EIF4G3: variants seen among roughly 807,000 people sequenced by gnomAD.
EIF4G3 encodes eIF-4-gamma 3.
A neutral mutation model predicts 186.4 loss-of-function variants in EIF4G3; 34 were observed. The ratio of observed to expected loss-of-function variants is 0.18; its 90% CI spans 0.14 to 0.24. The LOEUF (loss-of-function observed/expected upper bound fraction) is 0.24. Ranked by LOEUF, EIF4G3 falls within the 10% of genes least tolerant of loss-of-function variation. EIF4G3 has a pLI of 1.00. For synonymous variants in EIF4G3, 673 were observed against 679.5 expected (o/e 0.99, Z 0.15); for missense variants, 1,536 against 1,948.5 (o/e 0.79, Z 3.99).
At chr1:20,864,213 C>T (rs1240506450) in intron 22 of EIF4G3, among the ~76,000 whole-genome samples, 1 of 152,000 alleles carries the variant, frequency 6.6e-6, no homozygotes, top group Non-Finnish European at 1.5e-5. Context: ...GAAATGGTTA[C>T]AGAAGAAGAA....
At chr1:21,053,490 C>G (rs1439718764) in intron 3 of EIF4G3, among the ~76,000 whole-genome samples, 2 of 148,844 alleles carry the variant, frequency 1.3e-5, no homozygotes, top group African/African-American at 5.0e-5. Context: ...GCCGCCCCTA[C>G]TGGGAAGTGA....
intron 14 of EIF4G3, among the ~76,000 whole-genome samples, chr1:20,940,199 A>T (rs978615074): frequency 6.6e-6 from 1 of 152,178 alleles, no homozygotes; most frequent in African/African-American, 2.4e-5. Context: ...ACAAGGTCTA[A>T]GGTCATCTCT....
intron 2 of EIF4G3, among the ~76,000 whole-genome samples, chr1:21,119,718 A>G (rs1043331254): frequency 2.0e-5 from 3 of 152,156 alleles, no homozygotes; most frequent in Admixed American, 2.0e-4. Context: ...AATTATTGTT[A>G]AAGAAAAACA....
At chr1:20,978,696 A>C (rs77095130) in intron 10 of EIF4G3, among the ~76,000 whole-genome samples, 6 of 139,130 alleles carry the variant, frequency 4.3e-5, no homozygotes, top group Non-Finnish European at 8.0e-5. Context: ...AAAAAAAAAA[A>C]CCCATGGTAT....
intron 14 of EIF4G3, among the ~76,000 whole-genome samples, chr1:20,936,857 A>C (rs1158967801): frequency 6.6e-6 from 1 of 152,218 alleles, no homozygotes. Context: ...GTATTTTGTT[A>C]ACATTACCAA....
intron 32 of EIF4G3, 51 bp from the exon 33 acceptor site, chr1:20,825,249 C>CATAAA: frequency 4.7e-6 from 1 of 213,756 alleles, no homozygotes; most frequent in Non-Finnish European, 7.4e-6. Flanking sequence ...GAAGAAGAAA[C>CATAAA]AGAAAAAAAA....
chr1:20,865,612 C>T (rs775997631), intron 20 of EIF4G3, among the ~76,000 whole-genome samples: 8 of 149,718 alleles, frequency 5.3e-5, no homozygotes, highest in Admixed American at 2.0e-4. Flanking sequence ...TAAGAAGTAC[C>T]GTTGTAATAA....
At chr1:21,128,003 G>C (rs1166478376) in intron 2 of EIF4G3, among the ~76,000 whole-genome samples, 2 of 152,074 alleles carry the variant, frequency 1.3e-5, no homozygotes, top group Non-Finnish European at 2.9e-5. Context: ...AGGAGATCGA[G>C]ACCATCCTGG....
intron 19 of EIF4G3, among the ~76,000 whole-genome samples, chr1:20,884,819 A>G (rs909122894): frequency 5.3e-5 from 8 of 152,136 alleles, no homozygotes; most frequent in Non-Finnish European, 1.0e-4. Flanking sequence ...TTTACTGAAC[A>G]ATTATTTACT....
intron 18 of EIF4G3, among the ~76,000 whole-genome samples, chr1:20,889,836 A>C (rs1423177750): frequency 6.6e-6 from 1 of 152,162 alleles, no homozygotes; most frequent in Non-Finnish European, 1.5e-5. Flanking sequence ...TTTCATGGTA[A>C]TTTCCAACAG....
chr1:20,863,800 C>A (rs2076968188), intron 22 of EIF4G3, among the ~76,000 whole-genome samples: 1 of 150,032 alleles, frequency 6.7e-6, no homozygotes, highest in African/African-American at 2.4e-5. Context: ...GTGTCTTTTG[C>A]CCCTTTTCCT....
At chr1:20,993,244 C>T (rs2081509821) in intron 7 of EIF4G3, among the ~76,000 whole-genome samples, 1 of 151,986 alleles carries the variant, frequency 6.6e-6, no homozygotes, top group Non-Finnish European at 1.5e-5. Context: ...GAGCTCTAGC[C>T]CTCCAAACAG....
intron 2 of EIF4G3, among the ~76,000 whole-genome samples, chr1:21,097,537 G>C (rs10799682): frequency 0.4 from 60,511 of 152,012 alleles, 12,691 homozygotes; most frequent in Middle Eastern, 0.52. Flanking sequence ...CCAAAAGGAA[G>C]GGGGCATTAG....
At chr1:20,976,483 T>A (rs2076895473) in intron 10 of EIF4G3, among the ~76,000 whole-genome samples, 1 of 152,206 alleles carries the variant, frequency 6.6e-6, no homozygotes, top group African/African-American at 2.4e-5. Context: ...TTGGCCAAAT[T>A]ATAAATTTAA....
At chr1:20,906,516 A>C (rs1443336586) in intron 14 of EIF4G3, among the ~76,000 whole-genome samples, 1 of 152,206 alleles carries the variant, frequency 6.6e-6, no homozygotes, top group Non-Finnish European at 1.5e-5. Context: ...TGGGGCTCAA[A>C]TATAAGCTCA....
rs769490896 is a variant in EIF4G3, at chr1:20,879,446, C to A, written c.2499G>T (p.Val833=). Residue 833 remains valine, a synonymous_variant, in exon 20 of 37, where the codon GTG becomes GTT. Coordinates refer to ENST00000602326, the MANE Select transcript of EIF4G3 (RefSeq NM_001391906.1). ...CCTCTGTGTCAACAGTAAGTCCTGA[C>A]ACTTGCTTCATCAGTTGATTGAACA... is the stretch of plus-strand genomic sequence containing the variant. ...PQMFNQLMKQ[V]SGLTVDTEER... 1.3e-6 allele frequency: 2 copies of A among 1,583,178 alleles called. No individual in the cohort carries two copies. Among genetic ancestry groups the A allele is most frequent in the Admixed American group, 1.8e-5 (1 of 55,650 alleles).
At chr1:21,167,202 T>C (rs981363570) in intron 2 of EIF4G3, among the ~76,000 whole-genome samples, 1 of 152,172 alleles carries the variant, frequency 6.6e-6, no homozygotes, top group Non-Finnish European at 1.5e-5. Flanking sequence ...GTAAAAATAG[T>C]ATTCTGGTTT....
intron 2 of EIF4G3, among the ~76,000 whole-genome samples, chr1:21,098,581 A>G (rs996780294): frequency 1.3e-5 from 2 of 151,478 alleles, no homozygotes; most frequent in African/African-American, 2.4e-5. Context: ...AAGAAGAAGA[A>G]GAAAGAAACT....
chr1:21,035,524 T>C (rs933315701), intron 4 of EIF4G3, among the ~76,000 whole-genome samples: 9 of 152,320 alleles, frequency 5.9e-5, no homozygotes, highest in Admixed American at 1.3e-4. Context: ...TGGTCTCCAA[T>C]TGGGGTTGGG....
Sources: gnomAD v4.1 joint callset for allele counts (sites outside exome capture counted in the v4.1 genomes callset) on GRCh38, gnomAD v4.1.1 for gene constraint, MANE v1.5 for transcripts, NCBI Gene and HGNC (gene_info 2026-07-23, HGNC 2026-07-21) for gene names.